Variants in DLGAP1 observed in about 807,000 individuals in gnomAD.
The protein encoded by DLGAP1 is disks large-associated protein 1.
DLGAP1 carries 11 observed loss-of-function variants against 90.8 expected under a neutral mutation model. That is an observed-to-expected ratio of 0.12 (90% CI 0.08 to 0.20). The LOEUF is 0.20. Ranked by LOEUF, DLGAP1 falls within the 10% of genes least tolerant of loss-of-function variation. DLGAP1 has a pLI of 1.00. For missense variants in DLGAP1, 1,050 were observed against 1,333.8 expected, an observed-to-expected ratio of 0.79 and a Z score of 3.31; for synonymous variants, 558 against 540.7, an observed-to-expected ratio of 1.03 and a Z score of -0.44.
intron 2 of DLGAP1, among the ~76,000 whole-genome samples, chr18:4,108,228 G>A (rs2075904462): frequency 6.6e-6 from 1 of 152,070 alleles, no homozygotes; most frequent in Non-Finnish European, 1.5e-5. Context: ...CTGAAGAAAG[G>A]AATGTCACAC....
intron 4 of DLGAP1, among the ~76,000 whole-genome samples, chr18:3,841,474 TA>T: frequency 6.6e-6 from 1 of 152,318 alleles, no homozygotes; most frequent in South Asian, 2.1e-4. Flanking sequence ...ATTAAGGATT[TA>T]AAAAATGATC....
chr18:3,563,240 T>C (rs760082001), intron 9 of DLGAP1, among the ~76,000 whole-genome samples: 8 of 152,190 alleles, frequency 5.3e-5, no homozygotes, highest in Admixed American at 2.6e-4. Context: ...AGGTGTAGTT[T>C]TTTGGTTTGT....
chr18:3,638,932 G>A (rs573284201), intron 7 of DLGAP1, among the ~76,000 whole-genome samples: 1 of 152,316 alleles, frequency 6.6e-6, no homozygotes, highest in African/African-American at 2.4e-5. Context: ...TGCAATCGTT[G>A]TATAAATCTC....
intron 5 of DLGAP1, among the ~76,000 whole-genome samples, chr18:3,778,722 TGGATACG>T: frequency 6.6e-6 from 1 of 152,208 alleles, no homozygotes; most frequent in Admixed American, 6.5e-5. Flanking sequence ...AGGCTAGGCA[TGGATACG>T]GGAAAGAGGA....
intron 1 of DLGAP1, among the ~76,000 whole-genome samples, chr18:4,184,389 T>G (rs1241172190): frequency 6.6e-6 from 1 of 152,170 alleles, no homozygotes; most frequent in Admixed American, 6.6e-5. Flanking sequence ...CTTTCCTGGC[T>G]AATGCTGCAT....
intron 8 of DLGAP1, among the ~76,000 whole-genome samples, chr18:3,579,359 C>T (rs1250334978): frequency 1.3e-5 from 2 of 152,188 alleles, no homozygotes; most frequent in African/African-American, 2.4e-5. Flanking sequence ...CACAGGCATG[C>T]GCCACCACCC....
rs1598449216 is a variant in DLGAP1 at position 4,454,444 on chromosome 18, C to G, written c.-267+562G>C. On this transcript the variant is annotated intron_variant, in intron 1 of 12. Coordinates refer to ENST00000315677, the MANE Select transcript of DLGAP1 (RefSeq NM_004746.4). This position sits in a 1 kb window ranked among gnomAD's most constrained non-coding sequence, Gnocchi z 4.7. ...TCTCTCTCTGTGCCTGTCTTTGTGT[C>G]TCTGTTTCTTTGGCTTTCTCTTACA... Among the ~76,000 whole-genome samples the G allele has an allele frequency of 6.6e-6, 1 of 151,696 alleles. No individual in the cohort carries two copies. The highest frequency in any genetic ancestry group is 1.9e-4 in the East Asian group (1 of 5,136).
chr18:4,133,760 A>C (rs2076354881), intron 2 of DLGAP1, among the ~76,000 whole-genome samples: 1 of 152,152 alleles, frequency 6.6e-6, no homozygotes, highest in Admixed American at 6.5e-5. Flanking sequence ...ACATGTCAGA[A>C]ACAGTATTTT....
intron 2 of DLGAP1, among the ~76,000 whole-genome samples, chr18:4,126,709 T>C (rs537595728): frequency 1.1e-4 from 17 of 152,272 alleles, no homozygotes; most frequent in African/African-American, 4.1e-4. Flanking sequence ...CACAAGTCTG[T>C]GGTGCAACCT....
At chr18:3,628,395 C>A (rs556374586) in intron 7 of DLGAP1, among the ~76,000 whole-genome samples, 5 of 151,780 alleles carry the variant, frequency 3.3e-5, no homozygotes. Context: ...TGACCATGTC[C>A]GCCAGGGGTC....
intron 5 of DLGAP1, among the ~76,000 whole-genome samples, chr18:3,791,459 A>C (rs1267905213): frequency 6.6e-6 from 1 of 152,174 alleles, no homozygotes; most frequent in Non-Finnish European, 1.5e-5. Flanking sequence ...GAGCTGTCAA[A>C]GCTTAGTCTG....
chr18:4,362,356 G>C (rs1354711122), intron 1 of DLGAP1, among the ~76,000 whole-genome samples: 2 of 152,118 alleles, frequency 1.3e-5, no homozygotes, highest in Non-Finnish European at 2.9e-5. Context: ...TGGAGGAATG[G>C]ATAAACAAAC....
chr18:3,657,961 A>C (rs1311961230), intron 7 of DLGAP1, among the ~76,000 whole-genome samples: 1 of 152,212 alleles, frequency 6.6e-6, no homozygotes, highest in Admixed American at 6.5e-5. Context: ...CCAGCAGTTC[A>C]ACCATGATCA....
At chr18:3,990,067 C>T (rs1021962498) in intron 3 of DLGAP1, among the ~76,000 whole-genome samples, 42 of 152,238 alleles carry the variant, frequency 2.8e-4, no homozygotes, top group African/African-American at 8.2e-4. Flanking sequence ...TTGTGGAAGT[C>T]GGTGTGGTGA....
chr18:3,914,737 T>TA (rs1408112106), intron 3 of DLGAP1, among the ~76,000 whole-genome samples: 1 of 152,158 alleles, frequency 6.6e-6, no homozygotes, highest in Non-Finnish European at 1.5e-5. Context: ...CTATCTTTCA[T>TA]TCTTTTGATA....
intron 7 of DLGAP1, among the ~76,000 whole-genome samples, chr18:3,714,643 T>G (rs1335280577): frequency 8.3e-4 from 108 of 129,522 alleles, no homozygotes; most frequent in African/African-American, 4.4e-3. Context: ...TACGTGGTTT[T>G]TTTTTTTTTT....
chr18:4,191,467 C>T (rs1001265531), intron 1 of DLGAP1, among the ~76,000 whole-genome samples: 2 of 152,098 alleles, frequency 1.3e-5, no homozygotes, highest in East Asian at 1.9e-4. Flanking sequence ...TCTTTCCATT[C>T]GCAATACATT....
intron 10 of DLGAP1, among the ~76,000 whole-genome samples, chr18:3,515,281 T>A (rs990535678): frequency 9.3e-5 from 14 of 150,018 alleles, no homozygotes; most frequent in Non-Finnish European, 1.9e-4. Context: ...CCATCCTGGC[T>A]AACACGGTGA....
intron 1 of DLGAP1, among the ~76,000 whole-genome samples, chr18:4,408,975 A>G (rs542406255): frequency 0.21 from 1,156 of 5,590 alleles, 19 homozygotes; most frequent in African/African-American, 0.31. Flanking sequence ...ACACACACAC[A>G]CACAAACACA....
Sources: allele counts gnomAD v4.1 joint callset (sites outside exome capture counted in the v4.1 genomes callset), GRCh38; gene constraint gnomAD v4.1.1; non-coding constraint Gnocchi (gnomAD v3.1); transcripts MANE v1.5; gene names NCBI Gene and HGNC (gene_info 2026-07-23, HGNC 2026-07-21).